TIAM2: variants seen among roughly 807,000 people sequenced by gnomAD.
TIAM2 encodes rho guanine nucleotide exchange factor TIAM2.
A neutral mutation model predicts 152.9 loss-of-function variants in TIAM2; 80 were observed. The ratio of observed to expected loss-of-function variants is 0.52; its 90% confidence interval spans 0.44 to 0.63. The LOEUF is 0.63. Among genes scored for constraint, TIAM2 ranks in the 30% least tolerant of loss-of-function variants. TIAM2 has a pLI of 0.00. For missense variants in TIAM2, 1,965 were observed against 2,120.1 expected (o/e 0.93, Z 1.44); for synonymous variants, 804 against 838.0 (o/e 0.96, Z 0.70).
intron 1 of TIAM2, among the ~76,000 whole-genome samples, chr6:155,028,793 ACT>A (rs1216861441): frequency 3.0e-5 from 4 of 134,640 alleles, no homozygotes; most frequent in African/African-American, 5.4e-5. Context: ...TAATATATAT[ACT>A]GTGTTATATA....
rs527488243 is a variant in TIAM2, at chr6:155,194,175, C to T, written c.3064+10675C>T. On this transcript the variant is annotated intron_variant, in intron 14 of 26. Transcript: ENST00000682666. ...ATGAGGGGGCATAGAGCGTTCCAGG[C>T]GCAGAGAAGCCGGGAGGAGGCCGGG... 1.6e-4 allele frequency among the ~76,000 whole-genome samples: 24 copies of T among 152,232 alleles called. No individual in the cohort carries two copies. The South Asian group carries it at 1.9e-3, about 12-fold the overall frequency.
chr6:155,218,332 T>C lies in TIAM2; in HGVS notation c.3168+7025T>C, dbSNP rs1371212342. 6.6e-6 allele frequency among the ~76,000 whole-genome samples: 1 copy of C among 152,184 alleles called. No homozygotes were observed. Among genetic ancestry groups the C allele is most frequent in the East Asian group, 1.9e-4 (1 of 5,202 alleles). Reference sequence around the variant, plus strand: ...TGAAAAATGGTTTGGGGTGTGGCAGTCTCCAGCAGGAAGACAATAATCTGT... The same window carrying C: ...TGAAAAATGGTTTGGGGTGTGGCAGCCTCCAGCAGGAAGACAATAATCTGT... On this transcript the variant is annotated intron_variant, in intron 15 of 26. Coordinates refer to ENST00000682666, the MANE Select transcript of TIAM2 (RefSeq NM_012454.4). This position sits in a 1 kb window ranked among gnomAD's most constrained non-coding sequence, Gnocchi z 4.5.
At chr6:155,024,590 CTAT>C (rs1479981028) in intron 1 of TIAM2, among the ~76,000 whole-genome samples, 1 of 148,500 alleles carries the variant, frequency 6.7e-6, no homozygotes, top group African/African-American at 2.5e-5. Context: ...TGTGAATTTG[CTAT>C]TATTGTAGAC....
At chr6:155,195,374 G>C (rs1362844831) in intron 14 of TIAM2, among the ~76,000 whole-genome samples, 1 of 152,178 alleles carries the variant, frequency 6.6e-6, no homozygotes, top group East Asian at 1.9e-4. Context: ...CGCCTGTGAA[G>C]ATCACACTGA....
intron 7 of TIAM2, among the ~76,000 whole-genome samples, chr6:155,152,871 A>T (rs946164844): frequency 1.3e-5 from 2 of 152,068 alleles, no homozygotes; most frequent in Non-Finnish European, 2.9e-5. Context: ...ACATTTTTTT[A>T]AAAATTTAAA....
At chr6:155,083,591 A>G (rs1266668897) in intron 1 of TIAM2, among the ~76,000 whole-genome samples, 2 of 152,142 alleles carry the variant, frequency 1.3e-5, no homozygotes, top group East Asian at 3.9e-4. Flanking sequence ...GATACTAAAT[A>G]TGTGTAATTC....
At chr6:155,103,433 G>A (rs1454376831) in intron 2 of TIAM2, among the ~76,000 whole-genome samples, 1 of 151,644 alleles carries the variant, frequency 6.6e-6, no homozygotes, top group African/African-American at 2.4e-5. Flanking sequence ...CCTAGAAGCA[G>A]GAATTAGTGG....
chr6:155,157,413 T>C (rs1014400985), intron 7 of TIAM2, among the ~76,000 whole-genome samples: 1 of 152,126 alleles, frequency 6.6e-6, no homozygotes, highest in African/African-American at 2.4e-5. Context: ...GATGAGTAAA[T>C]AGACCCTTAG....
Position 155,129,799 on chromosome 6 carries a change from T to G in TIAM2, c.576T>G (p.Ser192Arg), listed in dbSNP as rs1779397823. The G allele has an allele frequency of 1.2e-6, 2 of 1,613,740 alleles. No individual in the cohort carries two copies. The highest frequency in any genetic ancestry group is 1.7e-6 in the Non-Finnish European group (2 of 1,180,024). ...NPSKVPAEDC[S>R]EPVQLLRYSP... ...GCAAAGTGCCTGCAGAGGACTGCAGTGAGCCGGTGCAGCTGCTGAGGTACT... is the reference window on the plus strand; with the variant it reads ...GCAAAGTGCCTGCAGAGGACTGCAGGGAGCCGGTGCAGCTGCTGAGGTACT... Residue 192 changes from serine to arginine, a missense_variant, in exon 4 of 27, where the codon AGT becomes AGG. Around this residue, in one of 3 missense-constraint regions of TIAM2, gnomAD observed 1,025 missense variants for 1,119.4 expected, o/e 0.92. Transcript: ENST00000682666. This position sits in a 1 kb window ranked among gnomAD's most constrained non-coding sequence, Gnocchi z 4.8.
chr6:155,147,176 C>CTTT (rs3028764), intron 6 of TIAM2, among the ~76,000 whole-genome samples: 3,490 of 143,258 alleles, frequency 0.024, 81 homozygotes, highest in Middle Eastern at 0.058. Context: ...TTACATTGTT[C>CTTT]TTTTTTTTTT....
At chr6:155,172,698 T>C (rs1387207808) in intron 9 of TIAM2, among the ~76,000 whole-genome samples, 1 of 74,156 alleles carries the variant, frequency 1.3e-5, no homozygotes, top group African/African-American at 6.3e-5. Flanking sequence ...TTTTTTTTTT[T>C]TTTTTTTTTT....
At chr6:155,117,662 C>G (rs1284830584) in intron 2 of TIAM2, among the ~76,000 whole-genome samples, 1 of 152,168 alleles carries the variant, frequency 6.6e-6, no homozygotes, top group Non-Finnish European at 1.5e-5. Flanking sequence ...GGGCTGGTCT[C>G]GAACTCCTGA....
chr6:155,257,109 C>T lies in TIAM2; in HGVS notation c.5094C>T (p.His1698=), dbSNP rs767197684. 6.8e-6 allele frequency: 11 copies of T among 1,607,386 alleles called. No homozygotes were observed. Among genetic ancestry groups the T allele is most frequent in the East Asian group, 6.7e-5 (3 of 44,688 alleles). ...SEECFYETES[H]GKS is the part of the protein sequence containing the mutation. ...AGTGTTTTTATGAAACAGAGAGCCA[C>T]GGAAAATCATAGTATGATTCAATCC... Residue 1698 remains histidine, a synonymous_variant, in exon 27 of 27, where the codon CAC becomes CAT. Coordinates refer to ENST00000682666, the MANE Select transcript of TIAM2 (RefSeq NM_012454.4).
At chr6:155,232,079 TCAAAAA>T (rs1391224010) in intron 15 of TIAM2, among the ~76,000 whole-genome samples, 8 of 140,918 alleles carry the variant, frequency 5.7e-5, no homozygotes, top group Admixed American at 1.6e-4. Flanking sequence ...AGACTCTGTC[TCAAAAA>T]CAAAAACAAA....
chr6:155,223,822 G>T (rs188120640), intron 15 of TIAM2, among the ~76,000 whole-genome samples: 1 of 152,224 alleles, frequency 6.6e-6, no homozygotes, highest in East Asian at 1.9e-4. Context: ...CCCGGCAAGG[G>T]CGTTGCCAGT....
At chr6:155,006,093 A>C (rs1400806316) in intron 1 of TIAM2, among the ~76,000 whole-genome samples, 5 of 152,188 alleles carry the variant, frequency 3.3e-5, no homozygotes, top group African/African-American at 1.2e-4. Context: ...GAGGGCAGGG[A>C]GGCTCCCACG....
chr6:155,144,537 T>G, intron 5 of TIAM2, 69 bp from the exon 6 acceptor site: 1 of 1,399,154 alleles, frequency 7.1e-7, no homozygotes, highest in Non-Finnish European at 9.3e-7. Context: ...AGTGTGTCAC[T>G]TACCCTCCCA....
chr6:155,010,698 G>A (rs977056829), intron 1 of TIAM2, among the ~76,000 whole-genome samples: 11 of 152,016 alleles, frequency 7.2e-5, no homozygotes, highest in Non-Finnish European at 1.5e-4. Context: ...TGATCCGCCC[G>A]CCTCGGCCTC....
At chr6:155,179,489 G>T in intron 12 of TIAM2, 33 bp downstream of exon 12, 1 of 1,561,078 alleles carries the variant, frequency 6.4e-7, no homozygotes, top group Non-Finnish European at 8.6e-7. Context: ...TCAGGGAATT[G>T]TGTTGTTCAT....
Sources: allele counts gnomAD v4.1 joint callset (sites outside exome capture counted in the v4.1 genomes callset), GRCh38; gene constraint gnomAD v4.1.1; regional missense constraint gnomAD v4.1.1; non-coding constraint Gnocchi (gnomAD v3.1); transcripts MANE v1.5; gene names NCBI Gene and HGNC (gene_info 2026-07-23, HGNC 2026-07-21).